TTC7B: variants seen among roughly 807,000 people sequenced by gnomAD.
The protein encoded by TTC7B is tetratricopeptide repeat domain 7B, also known as tetratricopeptide repeat protein 7B.
A neutral mutation model predicts 106.8 loss-of-function variants in TTC7B; 28 were observed. That is an observed-to-expected ratio of 0.26 (90% CI 0.19 to 0.36). TTC7B has a LOEUF of 0.36. Among genes scored for constraint, TTC7B ranks in the 10% least tolerant of loss-of-function variants. TTC7B has a pLI of 1.00. For synonymous variants in TTC7B, 405 were observed against 430.6 expected (o/e 0.94, Z 0.74); for missense variants, 862 against 1,076.4 (o/e 0.80, Z 2.79).
At chr14:90,592,624 G>A (rs8014551) in intron 18 of TTC7B, among the ~76,000 whole-genome samples, 3,065 of 151,782 alleles carry the variant, frequency 0.02, 109 homozygotes, top group African/African-American at 0.07. Context: ...CAGGAGAATC[G>A]CTTGAACCTG....
chr14:90,744,943 A>C (rs1889905702), intron 3 of TTC7B, 21 bp from the exon 4 acceptor site: 2 of 1,610,700 alleles, frequency 1.2e-6, no homozygotes, highest in African/African-American at 2.7e-5. Context: ...TATCAGACAC[A>C]AAAACTGAGT....
chr14:90,774,965 C>T (rs772405185), intron 3 of TTC7B, among the ~76,000 whole-genome samples: 6 of 151,810 alleles, frequency 4.0e-5, no homozygotes, highest in Non-Finnish European at 5.9e-5. Context: ...ATCACTTGAA[C>T]GCGGGAGGCA....
rs148258059 is a variant in TTC7B, at chr14:90,792,880, G to A, written c.122-6552C>T. Reference sequence around the variant, plus strand: ...TGCAAAGGTATGGCATGCCCTACTCGTTTGGGGAATTACAAGTCGTTTGTT... The same window carrying A: ...TGCAAAGGTATGGCATGCCCTACTCATTTGGGGAATTACAAGTCGTTTGTT... On this transcript the variant is annotated intron_variant, in intron 1 of 19. Transcript: ENST00000328459. Among the ~76,000 whole-genome samples, 584 of 152,244 alleles carry A rather than the reference G, an allele frequency of 3.8e-3. 5 individuals are homozygous for A. The highest frequency in any genetic ancestry group is 6.7e-3 in the Non-Finnish European group (457 of 68,016).
rs1159651065 is a variant in TTC7B, at chr14:90,535,400, T to G, written c.*5968A>C. ...AGTTGGCTCCCTGCTCACTGAGGAG[T>G]GGGTGCCCCGTCCCCAGGGCTCCCT... On this transcript the variant is annotated 3_prime_UTR_variant, in exon 20 of 20. Coordinates refer to ENST00000328459, the MANE Select transcript of TTC7B (RefSeq NM_001010854.2). 1.3e-5 allele frequency: 2 copies of G among 152,432 alleles called. No homozygotes were observed. The highest frequency in any genetic ancestry group is 4.8e-5 in the African/African-American group (2 of 41,376). The allele number at this position is 152,432 out of a possible 1,614,324, so 9.4% of individuals were successfully genotyped here.
At chr14:90,686,053 C>A (rs1489657688) in intron 7 of TTC7B, among the ~76,000 whole-genome samples, 1 of 152,100 alleles carries the variant, frequency 6.6e-6, no homozygotes, top group South Asian at 2.1e-4. Flanking sequence ...AAGAAAACTG[C>A]AGAATAGTAT....
At chr14:90,634,002 G>A (rs113430529) in intron 15 of TTC7B, among the ~76,000 whole-genome samples, 1,644 of 151,952 alleles carry the variant, frequency 0.011, 19 homozygotes, top group Middle Eastern at 0.037. Context: ...AGCTACTCCC[G>A]AGTAGCTGGG....
intron 1 of TTC7B, among the ~76,000 whole-genome samples, chr14:90,809,390 A>G (rs2030775640): frequency 2.0e-5 from 3 of 152,238 alleles, no homozygotes; most frequent in Admixed American, 2.0e-4. Flanking sequence ...TACTGGGGCC[A>G]GGGCCCCTAC....
At chr14:90,676,169 A>T (rs1029830348) in intron 9 of TTC7B, 1 of 207,140 alleles carries the variant, frequency 4.8e-6, no homozygotes, top group African/African-American at 2.3e-5. Context: ...CACTGTACAC[A>T]TTGATACTTT....
chr14:90,736,548 G>A (rs1395331888), intron 4 of TTC7B, among the ~76,000 whole-genome samples: 2 of 151,660 alleles, frequency 1.3e-5, no homozygotes, highest in African/African-American at 4.8e-5. Flanking sequence ...CTCCAGCCCT[G>A]GCAACAGAGT....
intron 2 of TTC7B, 67 bp from the exon 3 acceptor site, chr14:90,780,973 C>T: frequency 6.9e-7 from 1 of 1,454,710 alleles, no homozygotes; most frequent in Non-Finnish European, 9.5e-7. Flanking sequence ...CCCTCAGAGT[C>T]TGGCCAGCTG....
At position 90,536,291 on chromosome 14, in the gene TTC7B, G is replaced by C. The variant is rs1426777096; in HGVS notation, c.*5077C>G. The C allele has an allele frequency of 6.5e-6, 1 of 154,470 alleles. No individual in the cohort carries two copies. The highest frequency in any genetic ancestry group is 2.4e-5 in the African/African-American group (1 of 41,476). The allele number at this position is 154,470 out of a possible 1,614,324, so 9.6% of individuals were successfully genotyped here. A position where few individuals can be genotyped will look rare whatever the true frequency, so the allele number is the denominator to read the frequency against. ...TAAACCCCGCCAGCCCCGGAGCTCA[G>C]CCCTGACCTCTTCCTCTTTGTCTAT... On this transcript the variant is annotated 3_prime_UTR_variant, in exon 20 of 20. Coordinates refer to ENST00000328459, the MANE Select transcript of TTC7B (RefSeq NM_001010854.2).
intron 17 of TTC7B, among the ~76,000 whole-genome samples, chr14:90,605,093 G>A (rs1052179619): frequency 1.3e-5 from 2 of 152,138 alleles, no homozygotes; most frequent in Non-Finnish European, 2.9e-5. Context: ...TGGGGACCAG[G>A]GGATCCGCTG....
At chr14:90,553,310 A>G (rs1040663249) in intron 19 of TTC7B, among the ~76,000 whole-genome samples, 1 of 152,226 alleles carries the variant, frequency 6.6e-6, no homozygotes, top group Non-Finnish European at 1.5e-5. Context: ...AGGCCTTTCC[A>G]GCATTGAACT....
chr14:90,732,974 C>A (rs1210879859), intron 4 of TTC7B, among the ~76,000 whole-genome samples: 1 of 152,180 alleles, frequency 6.6e-6, no homozygotes, highest in African/African-American at 2.4e-5. Flanking sequence ...ATTACATTTG[C>A]CATTGTTATT....
At chr14:90,730,029 C>A (rs1357679631) in intron 5 of TTC7B, 46 bp downstream of exon 5, 1 of 1,569,948 alleles carries the variant, frequency 6.4e-7, no homozygotes, top group African/African-American at 1.4e-5. Context: ...AGGCTTTCTA[C>A]TTTCCTTCTT....
rs926116505 is a variant in TTC7B, at chr14:90,527,147, G to T, written c.*14221C>A. 1.1e-4 allele frequency: 16 copies of T among 152,034 alleles called. No homozygotes were observed. Among genetic ancestry groups the T allele is most frequent in the African/African-American group, 3.9e-4 (16 of 41,378 alleles). 9.4% of individuals were successfully genotyped at this position (152,034 alleles called of 1,614,324 possible). A position where few individuals can be genotyped will look rare whatever the true frequency, so the allele number is the denominator to read the frequency against. ...GGGAAGAAGACCACAGAGATGAGGT[G>T]CCCTGCTCACCCCATCATATCTGGG... On this transcript the variant is annotated 3_prime_UTR_variant, in exon 20 of 20. Coordinates refer to ENST00000328459, the MANE Select transcript of TTC7B (RefSeq NM_001010854.2).
chr14:90,657,011 G>C lies in TTC7B; in HGVS notation c.1341+163C>G, dbSNP rs1045486115. 9.2e-5 allele frequency among the ~76,000 whole-genome samples: 14 copies of C among 152,204 alleles called. No homozygotes were observed. Among genetic ancestry groups the C allele is most frequent in the Non-Finnish European group, 1.5e-5 (1 of 68,028 alleles). ...CCTTGGGGGAGTGGATGAGGCCTGA[G>C]GAGGCCAGGGGCCCAGGCCCAGGGT... On this transcript the variant is annotated intron_variant, in intron 11 of 19. Coordinates refer to ENST00000328459, the MANE Select transcript of TTC7B (RefSeq NM_001010854.2). This position sits in a 1 kb window ranked among gnomAD's most constrained non-coding sequence, Gnocchi z 4.2.
At chr14:90,800,746 G>A (rs1344143161) in intron 1 of TTC7B, among the ~76,000 whole-genome samples, 1 of 152,104 alleles carries the variant, frequency 6.6e-6, no homozygotes, top group African/African-American at 2.4e-5. Context: ...GGGAGGCGGA[G>A]CTTGCAGTGA....
chr14:90,583,999 A>G (rs951864243), intron 18 of TTC7B, among the ~76,000 whole-genome samples: 8 of 151,968 alleles, frequency 5.3e-5, no homozygotes, highest in Non-Finnish European at 7.4e-5. Flanking sequence ...CAGGGCAAGC[A>G]CTTTTCACCT....
Sources: gnomAD v4.1 joint callset for allele counts (sites outside exome capture counted in the v4.1 genomes callset) on GRCh38, gnomAD v4.1.1 for gene constraint, Gnocchi (gnomAD v3.1) non-coding constraint, MANE v1.5 for transcripts, NCBI Gene and HGNC (gene_info 2026-07-23, HGNC 2026-07-21) for gene names.